Variants in ARB2A observed in about 807,000 individuals in gnomAD.
The protein encoded by ARB2A is ARB2 cotranscriptional regulator A.
chr5:93,712,875 A>G, the ARB2A span, among the ~76,000 whole-genome samples: 2 of 152,210 alleles, frequency 1.3e-5, no homozygotes, highest in African/African-American at 2.4e-5. Context: ...CCAATGGAAC[A>G]GAATAGAGAA....
chr5:93,833,922 T>C, the ARB2A span, among the ~76,000 whole-genome samples: 1 of 152,232 alleles, frequency 6.6e-6, no homozygotes, highest in Non-Finnish European at 1.5e-5. Flanking sequence ...GAGATAGGAA[T>C]GATCCCATCA....
At chr5:93,930,614 T>C in the ARB2A span, among the ~76,000 whole-genome samples, 48 of 151,920 alleles carry the variant, frequency 3.2e-4, no homozygotes, top group African/African-American at 1.1e-3. Flanking sequence ...AGAGCAGAGG[T>C]GATGTAAGAA....
the ARB2A span, among the ~76,000 whole-genome samples, chr5:93,695,287 C>T: frequency 6.6e-6 from 1 of 152,028 alleles, no homozygotes; most frequent in Non-Finnish European, 1.5e-5. Flanking sequence ...TGCAATCTAT[C>T]CATCTGAGAA....
the ARB2A span, among the ~76,000 whole-genome samples, chr5:93,927,712 T>C: frequency 6.6e-6 from 1 of 152,156 alleles, no homozygotes; most frequent in African/African-American, 2.4e-5. Context: ...CAATTTGAGG[T>C]GTTAAAATAT....
chr5:93,678,087 G>A, the ARB2A span, among the ~76,000 whole-genome samples: 1 of 152,182 alleles, frequency 6.6e-6, no homozygotes, highest in Non-Finnish European at 1.5e-5. Context: ...TGCAAAAAAA[G>A]CAGCATATTC....
At chr5:93,784,631 C>G in the ARB2A span, 1 of 632,408 alleles carries the variant, frequency 1.6e-6, no homozygotes, top group African/African-American at 1.9e-5. Flanking sequence ...TTCAAAGTTA[C>G]TCTTTTTTTG....
chr5:94,044,149 T>C, the ARB2A span, among the ~76,000 whole-genome samples: 1 of 152,230 alleles, frequency 6.6e-6, no homozygotes, highest in African/African-American at 2.4e-5. Context: ...AGTAGCCTAA[T>C]TCTGGGCATG....
chr5:93,808,174 C>T, the ARB2A span, among the ~76,000 whole-genome samples: 2 of 151,884 alleles, frequency 1.3e-5, no homozygotes, highest in South Asian at 2.1e-4. Flanking sequence ...TCATACTGCC[C>T]GCGAATTCTT....
chr5:93,634,658 G>A, the ARB2A span, among the ~76,000 whole-genome samples: 1 of 152,182 alleles, frequency 6.6e-6, no homozygotes, highest in Non-Finnish European at 1.5e-5. Context: ...AGAACTCACA[G>A]AAAGTCAAAC....
the ARB2A span, among the ~76,000 whole-genome samples, chr5:93,793,844 C>T: frequency 5.9e-5 from 9 of 152,298 alleles, no homozygotes; most frequent in Middle Eastern, 3.4e-3. Context: ...CCATTACAGA[C>T]TTGCATAACC....
the ARB2A span, among the ~76,000 whole-genome samples, chr5:93,657,088 C>T: frequency 1.3e-5 from 2 of 152,284 alleles, no homozygotes; most frequent in African/African-American, 4.8e-5. Context: ...TAAGTTAACA[C>T]TCTCCAGTAT....
chr5:93,769,020 T>C, the ARB2A span, among the ~76,000 whole-genome samples: 1 of 152,198 alleles, frequency 6.6e-6, no homozygotes, highest in Non-Finnish European at 1.5e-5. Flanking sequence ...ATATTTTAAG[T>C]TAAAATTTTA....
the ARB2A span, among the ~76,000 whole-genome samples, chr5:93,890,085 ACTAT>A: frequency 3.3e-5 from 5 of 151,966 alleles, no homozygotes; most frequent in South Asian, 4.1e-4. Context: ...TAAACAAAGT[ACTAT>A]CTATCATATT....
At chr5:93,745,890 T>A in the ARB2A span, among the ~76,000 whole-genome samples, 1 of 151,760 alleles carries the variant, frequency 6.6e-6, no homozygotes, top group Non-Finnish European at 1.5e-5. Flanking sequence ...ACCTCAAGAA[T>A]CATATTAGTT....
the ARB2A span, among the ~76,000 whole-genome samples, chr5:93,920,962 A>G: frequency 2.0e-5 from 3 of 152,226 alleles, no homozygotes; most frequent in East Asian, 5.8e-4. Flanking sequence ...TGTTTAGTGT[A>G]ATACCGGAAA....
At chr5:93,708,129 A>C in the ARB2A span, among the ~76,000 whole-genome samples, 1 of 152,148 alleles carries the variant, frequency 6.6e-6, no homozygotes, top group Non-Finnish European at 1.5e-5. Context: ...TGAGAGCTAC[A>C]AACAAAAATA....
chr5:93,958,853 T>G, the ARB2A span: 3 of 1,607,738 alleles, frequency 1.9e-6, no homozygotes, highest in Non-Finnish European at 2.6e-6. Context: ...TCTAGCCCAC[T>G]GCCCTGCCCT....
chr5:94,012,293 T>C, the ARB2A span, among the ~76,000 whole-genome samples: 1 of 152,144 alleles, frequency 6.6e-6, no homozygotes, highest in African/African-American at 2.4e-5. Flanking sequence ...TCCCAGCTAC[T>C]TGGGAGGCTG....
chr5:93,993,798 C>A, the ARB2A span, among the ~76,000 whole-genome samples: 1 of 150,130 alleles, frequency 6.7e-6, no homozygotes, highest in African/African-American at 2.4e-5. Context: ...TCACAAGAGA[C>A]AATATATATT....
Sources: gnomAD v4.1 joint callset for allele counts (sites outside exome capture counted in the v4.1 genomes callset) on GRCh38, gnomAD v4.1.1 for gene constraint, MANE v1.5 for transcripts, NCBI Gene and HGNC (gene_info 2026-07-23, HGNC 2026-07-21) for gene names.